Variants in SH3PXD2B observed in about 807,000 individuals in gnomAD.
SH3PXD2B encodes the protein SH3 and PX domains 2B.
SH3PXD2B carries 37 observed loss-of-function variants against 73.1 expected under a neutral mutation model. The observed-to-expected ratio is 0.51, with a 90% confidence interval of 0.39 to 0.67. The LOEUF (loss-of-function observed/expected upper bound fraction) is 0.67. Ranked by LOEUF, SH3PXD2B falls within the 30% of genes least tolerant of loss-of-function variation. SH3PXD2B has a pLI of 0.00. For missense variants in SH3PXD2B, 1,053 were observed against 1,197.8 expected (o/e 0.88, Z 1.78); for synonymous variants, 457 against 480.5 (o/e 0.95, Z 0.64).
At chr5:172,424,046 G>A (rs1225122208) in intron 1 of SH3PXD2B, among the ~76,000 whole-genome samples, 1 of 152,136 alleles carries the variant, frequency 6.6e-6, no homozygotes, top group Non-Finnish European at 1.5e-5. Flanking sequence ...ATCCTCACTG[G>A]GGGTGGGGGG....
chr5:172,370,131 T>C (rs1413403086), intron 6 of SH3PXD2B, among the ~76,000 whole-genome samples: 4 of 152,162 alleles, frequency 2.6e-5, no homozygotes, highest in African/African-American at 9.7e-5. Flanking sequence ...TGAAGACTTC[T>C]AGAAACCCTT....
At chr5:172,407,046 G>A (rs958869600) in intron 2 of SH3PXD2B, among the ~76,000 whole-genome samples, 32 of 152,186 alleles carry the variant, frequency 2.1e-4, no homozygotes, top group African/African-American at 7.0e-4. Context: ...GTGAAATATC[G>A]GATTTGGCAT....
intron 7 of SH3PXD2B, among the ~76,000 whole-genome samples, chr5:172,360,978 C>T (rs1054559634): frequency 2.0e-5 from 3 of 152,116 alleles, no homozygotes; most frequent in African/African-American, 7.2e-5. Flanking sequence ...ATGGCTCACT[C>T]GGGCACTGAA....
intron 1 of SH3PXD2B, among the ~76,000 whole-genome samples, chr5:172,432,922 A>T (rs1249926935): frequency 9.3e-5 from 3 of 32,158 alleles, no homozygotes; most frequent in African/African-American, 3.6e-4. Context: ...TCTCAAAAAA[A>T]AAAGGGGGGG....
chr5:172,401,545 T>C (rs144810948), intron 3 of SH3PXD2B, among the ~76,000 whole-genome samples: 68 of 152,250 alleles, frequency 4.5e-4, no homozygotes, highest in East Asian at 1.2e-3. Flanking sequence ...GGCATCAAAA[T>C]TGAGAGAACG....
chr5:172,337,138 TCTC>T lies in SH3PXD2B; in HGVS notation c.*1228_*1230del, dbSNP rs1346729234. 1 of 985,338 alleles carries T rather than the reference TCTC, an allele frequency of 1.0e-6. No homozygotes were observed. Among genetic ancestry groups the T allele is most frequent in the Non-Finnish European group, 1.2e-6 (1 of 830,002 alleles). The allele number at this position is 985,338 out of a possible 1,614,324, so 61.0% of individuals were successfully genotyped here. A position where few individuals can be genotyped will look rare whatever the true frequency, so the allele number is the denominator to read the frequency against. ...GTGTCAACCACCAGGACCCTGGCAT[TCTC>T]CTGTCATGGAGATGCAGCTGTTGAG... On this transcript the variant is annotated 3_prime_UTR_variant, in exon 13 of 13. Coordinates refer to ENST00000311601, the MANE Select transcript of SH3PXD2B (RefSeq NM_001017995.3).
chr5:172,403,032 C>A (rs1352248607), intron 3 of SH3PXD2B, among the ~76,000 whole-genome samples: 1 of 152,256 alleles, frequency 6.6e-6, no homozygotes, highest in African/African-American at 2.4e-5. Flanking sequence ...CAGGGCCTCC[C>A]TGGTGAGGTG....
chr5:172,340,006 C>A, intron 12 of SH3PXD2B, 90 bp from the exon 13 acceptor site: 1 of 1,573,408 alleles, frequency 6.4e-7, no homozygotes, highest in Non-Finnish European at 8.6e-7. Flanking sequence ...AACTGGAGCT[C>A]TAGAAGCTGT....
rs765761432 is a variant in SH3PXD2B, at chr5:172,358,867, G to A, written c.573C>T (p.Phe191=). ...IIEKNESGWW[F]VSTAEEQGWV... Reference sequence around the variant, plus strand: ...AGCCTTGCTCCTCGGCAGTGCTGACGAACCACCAACCTGGGGAAGCAAGAG... The same window carrying A: ...AGCCTTGCTCCTCGGCAGTGCTGACAAACCACCAACCTGGGGAAGCAAGAG... Residue 191 remains phenylalanine, a synonymous_variant, in exon 8 of 13, where the codon TTC becomes TTT. Transcript: ENST00000311601. The A allele has an allele frequency of 3.2e-5, 51 of 1,613,868 alleles. No homozygotes were observed. Among genetic ancestry groups the A allele is most frequent in the Non-Finnish European group, 4.0e-5 (47 of 1,179,948 alleles).
At chr5:172,360,186 AT>A (rs1192823234) in intron 7 of SH3PXD2B, among the ~76,000 whole-genome samples, 1 of 152,226 alleles carries the variant, frequency 6.6e-6, no homozygotes, top group Non-Finnish European at 1.5e-5. Flanking sequence ...GTATTTGTAA[AT>A]ATTTGTATGA....
intron 1 of SH3PXD2B, among the ~76,000 whole-genome samples, chr5:172,429,072 C>T (rs1333693333): frequency 6.6e-6 from 1 of 152,228 alleles, no homozygotes; most frequent in Non-Finnish European, 1.5e-5. Flanking sequence ...GAGCAAGGAC[C>T]TGGCCTGTCT....
rs1027924540 is a variant in SH3PXD2B, at chr5:172,422,469, T to A, written c.103A>T (p.Ser35Cys). ...CGGTAAATGGCCTCGGTGGAGCCGC[T>A]GGACCACGTGACCCGGATGATGTAG... Reference protein sequence around the residue: ...YVYIIRVTWSSGSTEAIYRRY... With the variant: ...YVYIIRVTWSCGSTEAIYRRY... Residue 35 changes from serine to cysteine, a missense_variant, in exon 2 of 13, where the codon AGC becomes TGC. This residue lies in a region of SH3PXD2B where 466 missense variants were observed against 607.1 expected (regional missense o/e 0.77). Coordinates refer to ENST00000311601, the MANE Select transcript of SH3PXD2B (RefSeq NM_001017995.3). 4 of 1,612,298 alleles carry A rather than the reference T, an allele frequency of 2.5e-6. No individual in the cohort carries two copies. The Admixed American group carries it at 6.7e-5, about 27-fold the overall frequency.
chr5:172,409,309 G>A (rs1036592243), intron 2 of SH3PXD2B, among the ~76,000 whole-genome samples: 1 of 152,088 alleles, frequency 6.6e-6, no homozygotes, highest in Non-Finnish European at 1.5e-5. Context: ...TTGAACCTGG[G>A]AGGTGGAGGT....
rs757814556 is a variant in SH3PXD2B, at chr5:172,350,536, C to G, written c.839G>C (p.Gly280Ala). The G allele has an allele frequency of 3.7e-6, 6 of 1,613,854 alleles. No homozygotes were observed. The highest frequency in any genetic ancestry group is 5.1e-6 in the Non-Finnish European group (6 of 1,179,916). Residue 280 changes from glycine to alanine, a missense_variant, in exon 10 of 13, where the codon GGG (glycine) becomes GCG (alanine). Around this residue, in one of 2 missense-constraint regions of SH3PXD2B, gnomAD observed 466 missense variants for 607.1 expected, o/e 0.77. Transcript: ENST00000311601. The stretch of plus-strand genomic sequence containing the variant: ...GCCTGGCTTCGGGGGCAAGGGCTCC[C>G]CACTGTTCTTCTTTAGGTAGGAGGC... ...APASYLKKNS[G>A]EPLPPKPGPG...
chr5:172,344,236 A>G (rs1202396098), intron 12 of SH3PXD2B, among the ~76,000 whole-genome samples: 1 of 152,188 alleles, frequency 6.6e-6, no homozygotes, highest in East Asian at 1.9e-4. Flanking sequence ...TAATGTTGCA[A>G]TGAGCCAGGA....
rs1756749024 is a variant in SH3PXD2B at position 172,338,209 on chromosome 5, T to C, written c.*160A>G. 7.9e-6 allele frequency: 12 copies of C among 1,522,664 alleles called. No individual in the cohort carries two copies. Among genetic ancestry groups the C allele is most frequent in the Non-Finnish European group, 1.1e-5 (12 of 1,136,532 alleles). The allele number at this position is 1,522,664 out of a possible 1,614,324, so 94.3% of individuals were successfully genotyped here. A position where few individuals can be genotyped will look rare whatever the true frequency, so the allele number is the denominator to read the frequency against. On this transcript the variant is annotated 3_prime_UTR_variant, in exon 13 of 13. Transcript: ENST00000311601. This position sits in a 1 kb window ranked among gnomAD's most constrained non-coding sequence, Gnocchi z 5.1. ...ATCAGGCCCAGGGGCGCCCGAGGTG[T>C]CCGAAACTCACTCTCCACCCATGGG...
chr5:172,419,036 C>T (rs1004414007), intron 2 of SH3PXD2B, among the ~76,000 whole-genome samples: 18 of 152,088 alleles, frequency 1.2e-4, no homozygotes, highest in African/African-American at 2.9e-4. Context: ...CAGGTGCGTC[C>T]GCTTAACCAG....
Position 172,335,633 on chromosome 5 carries a change from C to T in SH3PXD2B, c.*2736G>A. 6.5e-6 allele frequency: 8 copies of T among 1,231,826 alleles called. No individual in the cohort carries two copies. Among genetic ancestry groups the T allele is most frequent in the Non-Finnish European group, 8.1e-6 (8 of 988,026 alleles). 76.3% of individuals were successfully genotyped at this position (1,231,826 alleles called of 1,614,324 possible). On this transcript the variant is annotated 3_prime_UTR_variant, in exon 13 of 13. Transcript: ENST00000311601. ...TGCTTGGCACCATTGTCACGATGGG[C>T]CTGGACACTTTCTAGAGCCATGACT...
rs779758365 is a variant in SH3PXD2B at position 172,338,821 on chromosome 5, G to A, written c.2284C>T (p.Pro762Ser). The change falls in exon 13 of 13, where the codon CCA becomes TCA. Residue 762 changes from proline to serine, a missense_variant. This residue lies in a region of SH3PXD2B where 587 missense variants were observed against 590.7 expected (regional missense o/e 0.99). Transcript: ENST00000311601. This position sits in a 1 kb window ranked among gnomAD's most constrained non-coding sequence, Gnocchi z 5.1. Reference sequence around the variant, plus strand: ...GAAGAGGTTTTCTTTGGGGGAGGTGGTCTGCGGGGTGGGACCACAGGTCTC... The same window carrying A: ...GAAGAGGTTTTCTTTGGGGGAGGTGATCTGCGGGGTGGGACCACAGGTCTC... ...QQRPVVPPRR[P>S]PPPKKTSSSS... The A allele has an allele frequency of 1.7e-5, 27 of 1,614,148 alleles. No individual in the cohort carries two copies. The highest frequency in any genetic ancestry group is 5.0e-5 in the Admixed American group (3 of 60,032).
Sources: gnomAD v4.1 joint callset for allele counts (sites outside exome capture counted in the v4.1 genomes callset) on GRCh38, gnomAD v4.1.1 for gene constraint, gnomAD v4.1.1 regional missense constraint, Gnocchi (gnomAD v3.1) non-coding constraint, MANE v1.5 for transcripts, NCBI Gene and HGNC (gene_info 2026-07-23, HGNC 2026-07-21) for gene names.